ACBD7: variants seen among roughly 807,000 people sequenced by gnomAD.
ACBD7 encodes acyl-CoA-binding domain-containing protein 7.
A neutral mutation model predicts 13.7 loss-of-function variants in ACBD7; 11 were observed. That is an observed-to-expected ratio of 0.80 (90% CI 0.50 to 1.33). The LOEUF (loss-of-function observed/expected upper bound fraction) is 1.33, where lower values mean the gene tolerates loss of function less well. ACBD7 is among the 40% of genes most tolerant of loss of function. The pLI is 0.00. For synonymous variants in ACBD7, 43 were observed against 37.7 expected (o/e 1.14, Z -0.51); for missense variants, 111 against 103.0 (o/e 1.08, Z -0.33).
At chr10:15,083,513 G>A (rs1370669554) in intron 1 of ACBD7, among the ~76,000 whole-genome samples, 3 of 152,122 alleles carry the variant, frequency 2.0e-5, no homozygotes, top group Admixed American at 6.5e-5. Context: ...AGACAGTCTC[G>A]CTCTGTTGTC....
At chr10:15,087,088 C>G (rs1019275003) in intron 1 of ACBD7, among the ~76,000 whole-genome samples, 5 of 150,650 alleles carry the variant, frequency 3.3e-5, no homozygotes, top group African/African-American at 4.9e-5. Flanking sequence ...GCTGAAGTGG[C>G]AGGATCACTT....
chr10:15,078,646 G>C (rs370119254), intron 3 of ACBD7, 43 bp from the exon 4 acceptor site: 12 of 1,613,964 alleles, frequency 7.4e-6, no homozygotes, highest in Non-Finnish European at 1.0e-5. Context: ...TGGTGCACTG[G>C]GAAATTAAGA....
intron 1 of ACBD7, among the ~76,000 whole-genome samples, chr10:15,081,276 G>C (rs1844746723): frequency 6.6e-6 from 1 of 152,110 alleles, no homozygotes; most frequent in East Asian, 1.9e-4. Flanking sequence ...CCTGGGGCTT[G>C]AGGCATGACA....
In ACBD7 at chr10:15,078,286, T is replaced by C; in HGVS notation, c.*244A>G. 7 of 1,242,292 alleles carry C rather than the reference T, an allele frequency of 5.6e-6. No individual in the cohort carries two copies. Among genetic ancestry groups the C allele is most frequent in the Non-Finnish European group, 7.2e-6 (7 of 965,542 alleles). 77.0% of individuals were successfully genotyped at this position (1,242,292 alleles called of 1,614,324 possible). A position where few individuals can be genotyped will look rare whatever the true frequency, so the allele number is the denominator to read the frequency against. On this transcript the variant is annotated 3_prime_UTR_variant, in exon 4 of 4. Transcript: ENST00000356189. ...ACATGAACTCATCCCTTTTTATGGC[T>C]CCATAGTATTCCATGGTGTATATGT...
At chr10:15,080,229 C>T (rs1238423965) in intron 1 of ACBD7, among the ~76,000 whole-genome samples, 2 of 152,064 alleles carry the variant, frequency 1.3e-5, no homozygotes, top group South Asian at 2.1e-4. Flanking sequence ...TTAGGGAAAA[C>T]TTTGTATACC....
intron 1 of ACBD7, chr10:15,088,511 C>T (rs1034405481): frequency 5.8e-6 from 4 of 691,432 alleles, no homozygotes; most frequent in Non-Finnish European, 8.9e-6. Context: ...CCCTGGGGTC[C>T]GGAAGGGTTG....
chr10:15,078,553 G>C lies in ACBD7; in HGVS notation c.244C>G (p.Leu82Val). The C allele has an allele frequency of 3.7e-6, 6 of 1,614,060 alleles. No individual in the cohort carries two copies. The highest frequency in any genetic ancestry group is 5.1e-6 in the Non-Finnish European group (6 of 1,180,010). Residue 82 changes from leucine (L) to valine (V), a missense_variant, in exon 4 of 4, where the codon CTG becomes GTG. Leu to Val is a conservative substitution (Grantham distance 32). Coordinates refer to ENST00000356189, the MANE Select transcript of ACBD7 (RefSeq NM_001039844.3). ...TSAYISKAKE[L>V]IEKYGI The stretch of plus-strand genomic sequence containing the variant: ...TTCTAAATTCCGTATTTTTCTATCA[G>C]CTCCTTTGCTTTAGAAATATAGGCA...
rs11259473 is a variant in ACBD7 at position 15,087,372 on chromosome 10, C to T, written c.12+1345G>A. On this transcript the variant is annotated intron_variant, in intron 1 of 3. Coordinates refer to ENST00000356189, the MANE Select transcript of ACBD7 (RefSeq NM_001039844.3). ...AGTAGAAGTGAGGCACACATTTGAA[C>T]CCAGATGGCCCTGAAGTATGTATTA... Among the ~76,000 whole-genome samples, 13 of 152,314 alleles carry T rather than the reference C, an allele frequency of 8.5e-5. No individual in the cohort carries two copies. The East Asian group carries it at 2.5e-3, about 29-fold the overall frequency.
chr10:15,085,125 G>A lies in ACBD7; in HGVS notation c.12+3592C>T, dbSNP rs146149998. Among the ~76,000 whole-genome samples the A allele has an allele frequency of 3.9e-3, 589 of 152,240 alleles. 2 individuals are homozygous for A. Among genetic ancestry groups the A allele is most frequent in the African/African-American group, 0.013 (523 of 41,546 alleles). On this transcript the variant is annotated intron_variant, in intron 1 of 3. Transcript: ENST00000356189. The stretch of plus-strand genomic sequence containing the variant: ...GATTTCTCCTGAGCGAGGGGTCCTC[G>A]GCATCCTGGTTGAATGTTTTGTGCA...
Position 15,076,956 on chromosome 10 carries a change from G to A in ACBD7, c.*1574C>T. ...AAAAAGTCAAAAAACAACAGATGTG[G>A]AGAAAAGGGAATGCTTATACACTAT... On this transcript the variant is annotated 3_prime_UTR_variant, in exon 4 of 4. Coordinates refer to ENST00000356189, the MANE Select transcript of ACBD7 (RefSeq NM_001039844.3). The A allele has an allele frequency of 2.0e-6, 2 of 980,854 alleles. No individual in the cohort carries two copies. Among genetic ancestry groups the A allele is most frequent in the South Asian group, 9.4e-5 (2 of 21,186 alleles). The allele number at this position is 980,854 out of a possible 1,614,324, so 60.8% of individuals were successfully genotyped here. A position where few individuals can be genotyped will look rare whatever the true frequency, so the allele number is the denominator to read the frequency against.
chr10:15,080,799 A>G (rs1308602989), intron 1 of ACBD7, among the ~76,000 whole-genome samples: 3 of 152,098 alleles, frequency 2.0e-5, no homozygotes, highest in African/African-American at 7.2e-5. Flanking sequence ...ATACTCTACA[A>G]AGAGCTTTGT....
chr10:15,087,885 G>C (rs1052801020), intron 1 of ACBD7, among the ~76,000 whole-genome samples: 1 of 152,088 alleles, frequency 6.6e-6, no homozygotes, highest in Non-Finnish European at 1.5e-5. Flanking sequence ...CTACTGCGGA[G>C]GCTGAGACAT....
chr10:15,088,410 G>A, intron 1 of ACBD7: 1 of 493,568 alleles, frequency 2.0e-6, no homozygotes, highest in East Asian at 3.7e-5. Flanking sequence ...CGGGAGCGGG[G>A]GATCTCGACT....
At chr10:15,084,463 A>T (rs74436455) in intron 1 of ACBD7, among the ~76,000 whole-genome samples, 1 of 152,218 alleles carries the variant, frequency 6.6e-6, no homozygotes, top group Admixed American at 6.5e-5. Flanking sequence ...TGAACAAAAA[A>T]TTGGACAAAA....
Position 15,076,870 on chromosome 10 carries a change from T to A in ACBD7, c.*1660A>T. ...CATTAACTTATTGTAACAGAACAGA[T>A]GAGCCAAAAGAACAAACAGCTGTTC... On this transcript the variant is annotated 3_prime_UTR_variant, in exon 4 of 4. Transcript: ENST00000356189. 1.0e-6 allele frequency: 1 copy of A among 985,428 alleles called. No individual in the cohort carries two copies. Among genetic ancestry groups the A allele is most frequent in the East Asian group, 1.1e-4 (1 of 8,822 alleles). 61.0% of individuals were successfully genotyped at this position (985,428 alleles called of 1,614,324 possible).
chr10:15,081,682 G>A (rs888849770), intron 1 of ACBD7, among the ~76,000 whole-genome samples: 9 of 152,192 alleles, frequency 5.9e-5, no homozygotes, highest in Non-Finnish European at 1.3e-4. Context: ...TTATTGAGCT[G>A]AGAGAGTAAG....
In ACBD7 at chr10:15,075,998, G is replaced by GAAAAT; in HGVS notation, c.*2531_*2532insATTTT. On this transcript the variant is annotated 3_prime_UTR_variant, in exon 4 of 4. Transcript: ENST00000356189. ...CAACAAAAAAAAAAAAAAAAAAAAA[G>GAAAAT]AAAAGAAAAAGAATGTTATATAAAT... The GAAAAT allele has an allele frequency of 2.9e-6, 1 of 348,966 alleles. No homozygotes were observed. The highest frequency in any genetic ancestry group is 3.8e-6 in the Non-Finnish European group (1 of 261,552). The allele number at this position is 348,966 out of a possible 1,614,324, so 21.6% of individuals were successfully genotyped here.
intron 1 of ACBD7, among the ~76,000 whole-genome samples, chr10:15,083,602 T>A (rs1844774307): frequency 6.6e-6 from 1 of 152,124 alleles, no homozygotes; most frequent in Non-Finnish European, 1.5e-5. Flanking sequence ...CACCTCAGCC[T>A]CCCAAGTAGC....
intron 1 of ACBD7, 47 bp downstream of exon 1, chr10:15,088,670 C>A (rs753706852): frequency 1.3e-6 from 2 of 1,587,488 alleles, no homozygotes; most frequent in Non-Finnish European, 1.7e-6. Context: ...TTAAGCACTC[C>A]CCTCGCGGAG....
Sources: allele counts gnomAD v4.1 joint callset (sites outside exome capture counted in the v4.1 genomes callset), GRCh38; gene constraint gnomAD v4.1.1; transcripts MANE v1.5; gene names NCBI Gene and HGNC (gene_info 2026-07-23, HGNC 2026-07-21).